Variants in NALF1 observed in about 807,000 individuals in gnomAD.
The protein encoded by NALF1 is NALCN channel auxiliary factor 1, also known as family with sequence similarity 155 member A.
Under a neutral mutation model 48.4 loss-of-function variants are expected in NALF1, and 3 were observed. The observed-to-expected ratio is 0.06, with a 90% CI of 0.03 to 0.16. NALF1 has a LOEUF of 0.16. NALF1 is among the 10% of genes least tolerant of loss of function. The pLI is 1.00. For missense variants in NALF1, 526 were observed against 571.5 expected (o/e 0.92, Z 0.81); for synonymous variants, 262 against 245.7 (o/e 1.07, Z -0.62).
intron 2 of NALF1, among the ~76,000 whole-genome samples, chr13:107,187,637 T>G (rs971248136): frequency 1.3e-5 from 2 of 152,226 alleles, no homozygotes; most frequent in African/African-American, 4.8e-5. Context: ...TACGTGGGAA[T>G]GGAGACAGCC....
At chr13:107,499,171 A>C (rs1875434217) in intron 1 of NALF1, among the ~76,000 whole-genome samples, 1 of 150,662 alleles carries the variant, frequency 6.6e-6, no homozygotes, top group South Asian at 2.1e-4. Flanking sequence ...TAAAAAAAAA[A>C]CACATACCTA....
At chr13:107,308,815 G>C (rs1186757924) in intron 1 of NALF1, among the ~76,000 whole-genome samples, 1 of 152,184 alleles carries the variant, frequency 6.6e-6, no homozygotes, top group Non-Finnish European at 1.5e-5. Flanking sequence ...ACTTACAATA[G>C]CAAAAGGATG....
At chr13:107,846,820 G>A (rs925535976) in intron 1 of NALF1, among the ~76,000 whole-genome samples, 5 of 152,146 alleles carry the variant, frequency 3.3e-5, no homozygotes, top group Non-Finnish European at 7.3e-5. Context: ...CTTATGGGCA[G>A]CATTTCAGAC....
chr13:107,329,083 T>C (rs1384335479), intron 1 of NALF1, among the ~76,000 whole-genome samples: 2 of 152,204 alleles, frequency 1.3e-5, no homozygotes, highest in Non-Finnish European at 2.9e-5. Context: ...GATTATATCA[T>C]GAGGAAGAGC....
At chr13:107,753,568 G>A (rs1877001747) in intron 1 of NALF1, among the ~76,000 whole-genome samples, 1 of 151,286 alleles carries the variant, frequency 6.6e-6, no homozygotes, top group African/African-American at 2.4e-5. Flanking sequence ...CAACCTGGGA[G>A]AACTTTCTTA....
At chr13:107,628,203 A>T (rs1331661351) in intron 1 of NALF1, among the ~76,000 whole-genome samples, 1 of 152,072 alleles carries the variant, frequency 6.6e-6, no homozygotes, top group Non-Finnish European at 1.5e-5. Flanking sequence ...ATCTTCCCAA[A>T]GCAAGATGTT....
At chr13:107,633,711 A>G (rs187955313) in intron 1 of NALF1, among the ~76,000 whole-genome samples, 677 of 59,092 alleles carry the variant, frequency 0.011, 5 homozygotes, top group African/African-American at 0.019. Context: ...TTTTTCATAT[A>G]TATGTGTGTG....
chr13:107,588,863 G>C (rs974827641), intron 1 of NALF1, among the ~76,000 whole-genome samples: 1 of 152,022 alleles, frequency 6.6e-6, no homozygotes, highest in Non-Finnish European at 1.5e-5. Context: ...TGTAAACCTC[G>C]GTAAATGGCA....
At chr13:107,602,466 C>A (rs562359953) in intron 1 of NALF1, among the ~76,000 whole-genome samples, 52 of 152,282 alleles carry the variant, frequency 3.4e-4, no homozygotes, top group Admixed American at 1.5e-3. Context: ...GTTTTCCCAT[C>A]TTTTAAAGGG....
chr13:107,266,322 A>G (rs1881037248), intron 1 of NALF1, among the ~76,000 whole-genome samples: 1 of 152,158 alleles, frequency 6.6e-6, no homozygotes, highest in Non-Finnish European at 1.5e-5. Context: ...AAAATTAATG[A>G]AATTACATTT....
chr13:107,511,315 CAT>C (rs1292122039), intron 1 of NALF1, among the ~76,000 whole-genome samples: 1 of 152,212 alleles, frequency 6.6e-6, no homozygotes, highest in South Asian at 2.1e-4. Context: ...AAATATATGA[CAT>C]GTGATTGGGG....
intron 1 of NALF1, among the ~76,000 whole-genome samples, chr13:107,241,152 C>A (rs1176633440): frequency 2.0e-5 from 3 of 151,438 alleles, no homozygotes; most frequent in Admixed American, 2.0e-4. Context: ...CGAGATTGCA[C>A]CACTGCACTC....
intron 1 of NALF1, among the ~76,000 whole-genome samples, chr13:107,238,283 C>T (rs1319017333): frequency 1.3e-5 from 2 of 152,134 alleles, no homozygotes; most frequent in African/African-American, 4.8e-5. Flanking sequence ...AATTCTGAGC[C>T]CTCATCTTCC....
chr13:107,804,969 G>A (rs1249394328), intron 1 of NALF1, among the ~76,000 whole-genome samples: 1 of 151,962 alleles, frequency 6.6e-6, no homozygotes, highest in Non-Finnish European at 1.5e-5. Flanking sequence ...CATTTACTGG[G>A]ACTTAAGTAA....
chr13:107,205,935 G>T (rs1879630257), intron 2 of NALF1, among the ~76,000 whole-genome samples: 1 of 151,810 alleles, frequency 6.6e-6, no homozygotes, highest in Non-Finnish European at 1.5e-5. Context: ...GTGTGGAGAG[G>T]GAAGCCCACG....
intron 1 of NALF1, among the ~76,000 whole-genome samples, chr13:107,256,252 G>A (rs1170550988): frequency 1.3e-5 from 2 of 152,074 alleles, no homozygotes; most frequent in Admixed American, 6.5e-5. Flanking sequence ...ATTCCACTAG[G>A]CATTGCTGTA....
At chr13:107,219,185 C>T (rs919388209) in intron 1 of NALF1, among the ~76,000 whole-genome samples, 2 of 152,122 alleles carry the variant, frequency 1.3e-5, no homozygotes, top group Non-Finnish European at 2.9e-5. Context: ...ATAGCCTTAT[C>T]TAGAGTCGGA....
chr13:107,766,468 G>C (rs1024397456), intron 1 of NALF1, among the ~76,000 whole-genome samples: 1 of 152,118 alleles, frequency 6.6e-6, no homozygotes, highest in African/African-American at 2.4e-5. Flanking sequence ...CTACAAGATT[G>C]ACTGAAACGC....
chr13:107,334,873 G>C (rs1246520543), intron 1 of NALF1, among the ~76,000 whole-genome samples: 2 of 152,148 alleles, frequency 1.3e-5, no homozygotes, highest in Non-Finnish European at 2.9e-5. Context: ...GCTTTGTCTT[G>C]CTGGGTGAAA....
Sources: gnomAD v4.1 joint callset for allele counts (sites outside exome capture counted in the v4.1 genomes callset) on GRCh38, gnomAD v4.1.1 for gene constraint, MANE v1.5 for transcripts, NCBI Gene and HGNC (gene_info 2026-07-23, HGNC 2026-07-21) for gene names.